The following RBSN variants were observed in gnomAD, a reference collection of about 807,000 sequenced individuals.
RBSN encodes rabenosyn-5.
A neutral mutation model predicts 60.5 loss-of-function variants in RBSN; 34 were observed. The ratio of observed to expected loss-of-function variants is 0.56; its 90% CI spans 0.43 to 0.75. The LOEUF is 0.75. Ranked by LOEUF, RBSN falls within the 30% of genes least tolerant of loss-of-function variation. RBSN has a pLI of 0.00. For missense variants in RBSN, 845 were observed against 986.8 expected (o/e 0.86, Z 1.92); for synonymous variants, 322 against 366.9 (o/e 0.88, Z 1.40).
intron 12 of RBSN, among the ~76,000 whole-genome samples, chr3:15,076,447 GAAAA>G (rs924655370): frequency 7.2e-6 from 1 of 138,560 alleles, no homozygotes; most frequent in Non-Finnish European, 1.6e-5. Flanking sequence ...TTTAATAAAA[GAAAA>G]AAAAAACACT....
chr3:15,095,858 C>A, intron 4 of RBSN, 115 bp downstream of exon 4: 1 of 1,356,864 alleles, frequency 7.4e-7, no homozygotes, highest in South Asian at 1.3e-5. Context: ...CACTAGTCAT[C>A]TGTTTGCTAC....
intron 2 of RBSN, among the ~76,000 whole-genome samples, chr3:15,097,609 T>C (rs1481672383): frequency 6.6e-6 from 1 of 152,180 alleles, no homozygotes; most frequent in African/African-American, 2.4e-5. Context: ...TCTTACTGGC[T>C]CATGGCAAAG....
chr3:15,095,126 T>G (rs919444375), intron 4 of RBSN, among the ~76,000 whole-genome samples: 1 of 152,026 alleles, frequency 6.6e-6, no homozygotes, highest in East Asian at 1.9e-4. Flanking sequence ...GTGATCCTCC[T>G]ACCTCAGTCT....
chr3:15,086,730 C>T (rs1346098850), intron 5 of RBSN, among the ~76,000 whole-genome samples: 4 of 151,892 alleles, frequency 2.6e-5, no homozygotes, highest in Non-Finnish European at 5.9e-5. Flanking sequence ...ATGGTTTTTC[C>T]TCAGGATAAG....
chr3:15,078,715 G>A (rs1314388940), intron 10 of RBSN, among the ~76,000 whole-genome samples: 3 of 131,506 alleles, frequency 2.3e-5, no homozygotes, highest in Admixed American at 8.6e-5. Flanking sequence ...GGCTAAGGTC[G>A]CACCACTGCA....
intron 8 of RBSN, among the ~76,000 whole-genome samples, chr3:15,083,834 T>C (rs1176184710): frequency 2.0e-5 from 3 of 152,126 alleles, no homozygotes; most frequent in Non-Finnish European, 1.5e-5. Flanking sequence ...GACCCTCTTC[T>C]CAAAGTCACA....
intron 10 of RBSN, among the ~76,000 whole-genome samples, chr3:15,080,059 A>G (rs1265661983): frequency 6.6e-6 from 1 of 152,156 alleles, no homozygotes; most frequent in Non-Finnish European, 1.5e-5. Flanking sequence ...CCTGGCCAAC[A>G]TGGTGAAACC....
At position 15,096,230 on chromosome 3, in the gene RBSN, T is replaced by A; in HGVS notation, c.-110A>T. 1 of 1,221,936 alleles carries A rather than the reference T, an allele frequency of 8.2e-7. No individual in the cohort carries two copies. Among genetic ancestry groups the A allele is most frequent in the Non-Finnish European group, 1.1e-6 (1 of 922,472 alleles). 75.7% of individuals were successfully genotyped at this position (1,221,936 alleles called of 1,614,324 possible). On this transcript the variant is annotated 5_prime_UTR_variant, in exon 4 of 14. Transcript: ENST00000253699. ...AGCATTAGCTTAAGCAGCACACAGA[T>A]GGTGAGGAAGTGGCTTCATGGCCCT...
intron 4 of RBSN, among the ~76,000 whole-genome samples, chr3:15,095,160 G>A (rs769776939): frequency 8.6e-5 from 13 of 151,610 alleles, no homozygotes; most frequent in African/African-American, 1.9e-4. Context: ...GACTACAGGC[G>A]TGCACCATCA....
chr3:15,090,586 A>G, intron 4 of RBSN, 47 bp from the exon 5 acceptor site: 2 of 1,577,154 alleles, frequency 1.3e-6, no homozygotes, highest in Non-Finnish European at 1.7e-6. Context: ...AAGAACACCC[A>G]GTAAACAGTC....
At chr3:15,088,214 C>G (rs1206100064) in intron 5 of RBSN, among the ~76,000 whole-genome samples, 4 of 151,786 alleles carry the variant, frequency 2.6e-5, no homozygotes. Context: ...CAATTTGTGA[C>G]TGTCTTCAGT....
chr3:15,076,474 A>T (rs984447491), intron 12 of RBSN, among the ~76,000 whole-genome samples: 11 of 151,584 alleles, frequency 7.3e-5, no homozygotes, highest in South Asian at 4.2e-4. Context: ...GTTTTAATTT[A>T]AAAAAAAAGA....
rs1490436498 is a variant in RBSN, at chr3:15,092,269, T to TA, written c.149-1731_149-1730insT. On this transcript the variant is annotated intron_variant, in intron 4 of 13. Transcript: ENST00000253699. Reference sequence around the variant, plus strand: ...ATTGATAAGAATACACTTGTCTTTTTTTTTTTTTAAGACGGTCAAGCCAAT... The same window carrying TA: ...ATTGATAAGAATACACTTGTCTTTTTATTTTTTTTAAGACGGTCAAGCCAAT... Among the ~76,000 whole-genome samples, 4 of 152,298 alleles carry TA rather than the reference T, an allele frequency of 2.6e-5. No individual in the cohort carries two copies. In the East Asian group the frequency reaches 7.7e-4, roughly 29 times the overall value.
intron 10 of RBSN, among the ~76,000 whole-genome samples, chr3:15,078,813 TATATATATATAC>T (rs1324350767): frequency 1.5e-5 from 2 of 130,504 alleles, no homozygotes; most frequent in African/African-American, 3.0e-5. Context: ...TATATATATA[TATATATATATAC>T]ATGGTTTTGT....
chr3:15,094,411 TGACAGAA>T (rs993540481), intron 4 of RBSN, among the ~76,000 whole-genome samples: 4 of 152,246 alleles, frequency 2.6e-5, no homozygotes, highest in Non-Finnish European at 4.4e-5. Flanking sequence ...GATTTACAGA[TGACAGAA>T]GACCTACGTT....
chr3:15,079,860 C>T (rs2043159208), intron 10 of RBSN, among the ~76,000 whole-genome samples: 1 of 151,402 alleles, frequency 6.6e-6, no homozygotes, highest in South Asian at 2.1e-4. Context: ...GTAATGTTCG[C>T]TAATTTTGTG....
chr3:15,087,511 AAAAC>A (rs546864017), intron 5 of RBSN, among the ~76,000 whole-genome samples: 171 of 151,862 alleles, frequency 1.1e-3, no homozygotes, highest in African/African-American at 4.0e-3. Context: ...CTGTCTCAGA[AAAAC>A]AAACAAACAA....
intron 12 of RBSN, among the ~76,000 whole-genome samples, chr3:15,076,036 G>GT (rs1181166731): frequency 6.6e-6 from 1 of 151,914 alleles, no homozygotes; most frequent in African/African-American, 2.4e-5. Flanking sequence ...CTTCCCTGCT[G>GT]TAAGTTTCTC....
rs553810976 is a variant in RBSN at position 15,082,825 on chromosome 3, C to T, written c.599-217G>A. ...CCAAATCCAAACAGCCTTCCCTTTC[C>T]ACCTGCCACTCTCCTGCATTTGCCC... On this transcript the variant is annotated intron_variant, in intron 8 of 13. Coordinates refer to ENST00000253699, the MANE Select transcript of RBSN (RefSeq NM_022340.4). This position sits in a 1 kb window ranked among gnomAD's most constrained non-coding sequence, Gnocchi z 4.2. Among the ~76,000 whole-genome samples the T allele has an allele frequency of 6.6e-6, 1 of 152,290 alleles. No individual in the cohort carries two copies. The highest frequency in any genetic ancestry group is 2.1e-4 in the South Asian group (1 of 4,824).
Sources: gnomAD v4.1 joint callset for allele counts (sites outside exome capture counted in the v4.1 genomes callset) on GRCh38, gnomAD v4.1.1 for gene constraint, Gnocchi (gnomAD v3.1) non-coding constraint, MANE v1.5 for transcripts, NCBI Gene and HGNC (gene_info 2026-07-23, HGNC 2026-07-21) for gene names.